Variants in TRMT9B observed in about 807,000 individuals in gnomAD.
TRMT9B encodes probable tRNA methyltransferase 9B.
Under a neutral mutation model 11.5 loss-of-function variants are expected in TRMT9B, and 16 were observed. The observed-to-expected ratio is 1.39, with a 90% CI of 0.94 to 2.11. The LOEUF (loss-of-function observed/expected upper bound fraction) is 2.11, where lower values mean the gene tolerates loss of function less well. Among genes scored for constraint, TRMT9B ranks in the 30% most tolerant of loss-of-function variants. The pLI, the probability that TRMT9B is intolerant of heterozygous loss-of-function variation, is 0.00. For synonymous variants in TRMT9B, 274 were observed against 192.4 expected, an observed-to-expected ratio of 1.42 and a Z score of -3.51; for missense variants, 941 against 553.8, an observed-to-expected ratio of 1.70 and a Z score of -7.02.
chr8:12,947,742 G>A (rs2128854123), intron 1 of TRMT9B, among the ~76,000 whole-genome samples: 1 of 152,358 alleles, frequency 6.6e-6, no homozygotes, highest in African/African-American at 2.4e-5. Flanking sequence ...GAGACTTCAG[G>A]TGTGCAGTAT....
chr8:12,951,476 G>C (rs1023488501), intron 1 of TRMT9B: 16 of 152,252 alleles, frequency 1.1e-4, no homozygotes, highest in African/African-American at 3.9e-4. Context: ...CAGGCAACAA[G>C]GGCACGGCTG....
At chr8:13,016,819 T>C (rs1308487132) in intron 4 of TRMT9B, among the ~76,000 whole-genome samples, 2 of 149,408 alleles carry the variant, frequency 1.3e-5, no homozygotes, top group East Asian at 3.9e-4. Flanking sequence ...CAACTGGATA[T>C]GTTTATGTAT....
chr8:13,020,470 A>G (rs569092711), intron 4 of TRMT9B, among the ~76,000 whole-genome samples: 4 of 152,308 alleles, frequency 2.6e-5, no homozygotes, highest in African/African-American at 9.6e-5. Context: ...ATTATAAGCA[A>G]CCAATTGGAC....
chr8:12,958,005 C>T (rs776478612), intron 1 of TRMT9B, among the ~76,000 whole-genome samples: 3 of 152,124 alleles, frequency 2.0e-5, no homozygotes, highest in Non-Finnish European at 2.9e-5. Context: ...AGGGATTCCA[C>T]TTATATAGTA....
rs34329789 is a variant in TRMT9B, at chr8:12,975,423, G to GAA, written c.-199-15402_-199-15401dup. Among the ~76,000 whole-genome samples, 453 of 147,512 alleles carry GAA rather than the reference G, an allele frequency of 3.1e-3. 2 individuals carry two copies. Among genetic ancestry groups the GAA allele is most frequent in the African/African-American group, 0.011 (429 of 40,054 alleles). ...CCTTTCTTCTAAAAGTAGCAGGAAAGAAAAAAAAAAGCTTTTAAATTGATG... is the reference window on the plus strand; with the variant it reads ...CCTTTCTTCTAAAAGTAGCAGGAAAGAAAAAAAAAAAAGCTTTTAAATTGATG... On this transcript the variant is annotated intron_variant, in intron 1 of 4. Coordinates refer to ENST00000524591, the MANE Select transcript of TRMT9B (RefSeq NM_020844.3).
intron 1 of TRMT9B, among the ~76,000 whole-genome samples, chr8:12,954,022 T>C (rs898067931): frequency 6.6e-6 from 1 of 152,212 alleles, no homozygotes; most frequent in African/African-American, 2.4e-5. Flanking sequence ...TGCGTGTATA[T>C]CTTAATATGG....
intron 2 of TRMT9B, among the ~76,000 whole-genome samples, chr8:13,003,517 G>A (rs1809845774): frequency 6.6e-6 from 1 of 152,090 alleles, no homozygotes; most frequent in African/African-American, 2.4e-5. Flanking sequence ...CAGGCCCCTG[G>A]ATGAGAGGGA....
At chr8:12,958,470 T>A (rs188626253) in intron 1 of TRMT9B, 2 of 152,600 alleles carry the variant, frequency 1.3e-5, no homozygotes, top group Non-Finnish European at 1.5e-5. Flanking sequence ...GGTGCCCAGC[T>A]ATGCCTCTGT....
At chr8:12,991,256 G>A (rs1361118759) in intron 2 of TRMT9B, among the ~76,000 whole-genome samples, 1 of 152,136 alleles carries the variant, frequency 6.6e-6, no homozygotes, top group Non-Finnish European at 1.5e-5. Context: ...TTTTTAGAAA[G>A]CAAAATACTT....
At chr8:13,017,699 T>C (rs1217477585) in intron 4 of TRMT9B, among the ~76,000 whole-genome samples, 1 of 150,218 alleles carries the variant, frequency 6.7e-6, no homozygotes, top group East Asian at 2.0e-4. Flanking sequence ...CTTCAACCTC[T>C]GCCTCCTGGG....
intron 3 of TRMT9B, chr8:13,007,053 C>G (rs184631481): frequency 6.6e-6 from 1 of 152,210 alleles, no homozygotes; most frequent in Non-Finnish European, 1.5e-5. Flanking sequence ...TTGACTAAAT[C>G]AGGATGGAAA....
intron 1 of TRMT9B, among the ~76,000 whole-genome samples, chr8:12,978,048 G>T (rs1054632442): frequency 6.6e-6 from 1 of 152,134 alleles, no homozygotes. Context: ...TAGATGGATA[G>T]TGTGGAGTCT....
intron 4 of TRMT9B, 129 bp downstream of exon 4, chr8:13,012,986 A>C (rs1322986697): frequency 8.2e-7 from 1 of 1,221,152 alleles, no homozygotes; most frequent in Non-Finnish European, 1.1e-6. Context: ...AATTTAAAAA[A>C]ATTGTTTCAA....
At chr8:12,971,695 G>T (rs1803653404) in intron 1 of TRMT9B, among the ~76,000 whole-genome samples, 1 of 151,910 alleles carries the variant, frequency 6.6e-6, no homozygotes, top group Non-Finnish European at 1.5e-5. Context: ...GCAGAAAATG[G>T]ATATTGCTAA....
chr8:13,012,943 T>G lies in TRMT9B; in HGVS notation c.328+86T>G, dbSNP rs1811932364. 6 of 1,385,756 alleles carry G rather than the reference T, an allele frequency of 4.3e-6. No individual in the cohort carries two copies. In the South Asian group the frequency reaches 9.0e-5, roughly 21 times the overall value. The allele number at this position is 1,385,756 out of a possible 1,614,324, so 85.8% of individuals were successfully genotyped here. On this transcript the variant is annotated intron_variant, in intron 4 of 4. Transcript: ENST00000524591. ...CGTTCTCATGACTCAACATCCGTTC[T>G]GTGTAGAAATGTCAATGTAATTTAT...
intron 1 of TRMT9B, among the ~76,000 whole-genome samples, chr8:12,976,062 C>G (rs546782633): frequency 2.6e-5 from 4 of 152,278 alleles, no homozygotes; most frequent in Non-Finnish European, 5.9e-5. Flanking sequence ...CATAGAAAGC[C>G]AGAGAACTAG....
Position 13,021,834 on chromosome 8 carries a change from A to G in TRMT9B, c.1155A>G (p.Thr385=). Residue 385 remains threonine (T), a synonymous_variant, in exon 5 of 5, where the codon ACA becomes ACG. Coordinates refer to ENST00000524591, the MANE Select transcript of TRMT9B (RefSeq NM_020844.3). ...GAAGGATTTCTGCAGTTGATTCCAC[A>G]GATTTCAACCCAGATGATACAATGT... ...ILRRISAVDS[T]DFNPDDTMSV... The G allele has an allele frequency of 6.2e-7, 1 of 1,613,760 alleles. No homozygotes were observed. Among genetic ancestry groups the G allele is most frequent in the Non-Finnish European group, 8.5e-7 (1 of 1,179,742 alleles).
intron 4 of TRMT9B, among the ~76,000 whole-genome samples, chr8:13,013,702 C>A (rs148711356): frequency 6.6e-6 from 1 of 152,168 alleles, no homozygotes; most frequent in African/African-American, 2.4e-5. Context: ...CCTGTAATCC[C>A]AACCCTTTGG....
chr8:12,955,364 G>GGT (rs1801158461), intron 1 of TRMT9B, among the ~76,000 whole-genome samples: 1 of 152,080 alleles, frequency 6.6e-6, no homozygotes, highest in Non-Finnish European at 1.5e-5. Context: ...TGAGGAGTTT[G>GGT]GTGTATGGTC....
Sources: allele counts gnomAD v4.1 joint callset (sites outside exome capture counted in the v4.1 genomes callset), GRCh38; gene constraint gnomAD v4.1.1; transcripts MANE v1.5; gene names NCBI Gene and HGNC (gene_info 2026-07-23, HGNC 2026-07-21).